Variants in DCTN5 observed in about 807,000 individuals in gnomAD.
DCTN5 encodes the protein dynactin subunit 5, also known as dynactin 4.
In DCTN5, 14 loss-of-function variants were observed where a neutral mutation model predicts 23.5. The observed-to-expected ratio is 0.60, with a 90% confidence interval of 0.39 to 0.93. The LOEUF is 0.93. DCTN5 is among the 40% of genes least tolerant of loss of function. The pLI is 0.00. For synonymous variants in DCTN5, 67 were observed against 79.6 expected, an observed-to-expected ratio of 0.84 and a Z score of 0.84; for missense variants, 156 against 225.9, an observed-to-expected ratio of 0.69 and a Z score of 1.98.
chr16:23,663,707 C>T (rs1967857227), intron 4 of DCTN5, among the ~76,000 whole-genome samples: 1 of 151,580 alleles, frequency 6.6e-6, no homozygotes, highest in Non-Finnish European at 1.5e-5. Flanking sequence ...CAGAGTGAGA[C>T]TCTGTCCCCC....
intron 4 of DCTN5, among the ~76,000 whole-genome samples, chr16:23,663,083 A>T (rs1198336355): frequency 6.6e-6 from 1 of 152,204 alleles, no homozygotes; most frequent in Non-Finnish European, 1.5e-5. Flanking sequence ...AGCCGTCCCC[A>T]TGACACATAG....
intron 1 of DCTN5, 109 bp downstream of exon 1, chr16:23,641,699 A>C (rs8058061): frequency 6.8e-6 from 8 of 1,176,488 alleles, no homozygotes; most frequent in Non-Finnish European, 1.0e-5. Context: ...CCCTTTGGCC[A>C]TTAGTCCCGG....
rs1235940425 is a variant in DCTN5 at position 23,673,329 on chromosome 16, AGTCTTGAACTC to A, written c.*6186_*6196del. The A allele has an allele frequency of 6.6e-6, 1 of 152,150 alleles. No individual in the cohort carries two copies. Among genetic ancestry groups the A allele is most frequent in the African/African-American group, 2.4e-5 (1 of 41,438 alleles). 9.4% of individuals were successfully genotyped at this position (152,150 alleles called of 1,614,324 possible). ...AGGGTTTTACCATGTTGCCCAGACT[AGTCTTGAACTC>A]CTGGGCTCAAGCGATCTTGGCCTCC... On this transcript the variant is annotated 3_prime_UTR_variant, in exon 6 of 6. Coordinates refer to ENST00000300087, the MANE Select transcript of DCTN5 (RefSeq NM_032486.4).
chr16:23,660,911 C>T (rs886664692), intron 3 of DCTN5, among the ~76,000 whole-genome samples: 1 of 152,184 alleles, frequency 6.6e-6, no homozygotes, highest in Non-Finnish European at 1.5e-5. Flanking sequence ...GGTACCTGCT[C>T]TTTTAGCTTT....
chr16:23,661,489 T>C (rs112538354), intron 4 of DCTN5, among the ~76,000 whole-genome samples: 9,618 of 150,636 alleles, frequency 0.064, 633 homozygotes, highest in African/African-American at 0.16. Context: ...GAGGTTGAAG[T>C]GGGCAGATCA....
At chr16:23,650,897 A>G in intron 2 of DCTN5, 7 of 1,396,922 alleles carry the variant, frequency 5.0e-6, no homozygotes, top group Non-Finnish European at 6.9e-6. Context: ...AATGTGACCA[A>G]TCTAAGCCCA....
In DCTN5 at chr16:23,665,669, A is replaced by G. The variant is rs747389991; in HGVS notation, c.392A>G (p.Asn131Ser). The G allele has an allele frequency of 3.1e-6, 5 of 1,614,086 alleles. No individual in the cohort carries two copies. Among genetic ancestry groups the G allele is most frequent in the Middle Eastern group, 3.3e-4 (2 of 6,046 alleles). Residue 131 changes from asparagine to serine, a missense_variant, in exon 5 of 6, where the codon AAC becomes AGC. Asn to Ser is a conservative substitution (Grantham distance 46). This residue lies in a region of DCTN5 where 153 missense variants were observed against 206.8 expected (regional missense o/e 0.74). Coordinates refer to ENST00000300087, the MANE Select transcript of DCTN5 (RefSeq NM_032486.4). ...VLKDCCKILDNTVLPPETVVP... is the reference protein window; with the variant it reads ...VLKDCCKILDSTVLPPETVVP... ...AAAGACTGCTGCAAAATTCTTGACA[A>G]CACAGTATTACCTCCAGAAACTGTG...
chr16:23,661,197 A>G lies in DCTN5; in HGVS notation c.264A>G (p.Gly88=), dbSNP rs1272481105. The G allele has an allele frequency of 1.9e-6, 3 of 1,612,970 alleles. No homozygotes were observed. In the Admixed American group the frequency reaches 5.0e-5, roughly 27 times the overall value. ...KGVAFFPLHI[G]DHVFIEEDCV... is the part of the protein sequence containing the mutation. ...TTGCATTCTTTCCTTTACATATTGG[A>G]GACCATGTCTTTATTGAGGAAGATT... Residue 88 remains glycine (G), a synonymous_variant, in exon 4 of 6, where the codon GGA becomes GGG. Coordinates refer to ENST00000300087, the MANE Select transcript of DCTN5 (RefSeq NM_032486.4).
chr16:23,652,608 A>T (rs1272403975), intron 2 of DCTN5, among the ~76,000 whole-genome samples: 1 of 152,228 alleles, frequency 6.6e-6, no homozygotes, highest in East Asian at 1.9e-4. Context: ...ATCAAGATAT[A>T]GAATACATTT....
intron 4 of DCTN5, among the ~76,000 whole-genome samples, chr16:23,661,914 T>G (rs776518969): frequency 1.8e-4 from 28 of 151,946 alleles, no homozygotes; most frequent in Non-Finnish European, 3.7e-4. Context: ...ACTGAGGACC[T>G]TAAATATTAA....
chr16:23,642,985 G>T lies in DCTN5; in HGVS notation c.79G>T (p.Val27Leu). The change falls in exon 2 of 6, where the codon GTG (valine) becomes TTG (leucine). Residue 27 changes from valine to leucine, a missense_variant. Val to Leu is a conservative substitution (Grantham distance 32). Coordinates refer to ENST00000300087, the MANE Select transcript of DCTN5 (RefSeq NM_032486.4). ...ASGNKVSRQS[V>L]LCGSQNIVLN... ...TGGGAACAAAGTCAGTCGCCAGTCA[G>T]TGTTGTGTGGAAGCCAGAACATCGT... is the stretch of plus-strand genomic sequence containing the variant. The T allele has an allele frequency of 6.2e-7, 1 of 1,614,168 alleles. No individual in the cohort carries two copies. Among genetic ancestry groups the T allele is most frequent in the Non-Finnish European group, 8.5e-7 (1 of 1,180,034 alleles).
chr16:23,658,659 G>A (rs1232066039), intron 3 of DCTN5, 34 bp downstream of exon 3: 1 of 1,528,360 alleles, frequency 6.5e-7, no homozygotes, highest in South Asian at 1.1e-5. Flanking sequence ...CAAGTCTTGG[G>A]CAAGAAGCTG....
At chr16:23,665,491 C>T (rs1967889319) in intron 4 of DCTN5, 135 bp from the exon 5 acceptor site, 3 of 740,728 alleles carry the variant, frequency 4.1e-6, no homozygotes, top group Non-Finnish European at 6.6e-6. Flanking sequence ...CAGGTACCAC[C>T]TGAAGCAGGA....
chr16:23,644,142 T>TA (rs1284542240), intron 2 of DCTN5, among the ~76,000 whole-genome samples: 1 of 151,906 alleles, frequency 6.6e-6, no homozygotes, highest in Non-Finnish European at 1.5e-5. Flanking sequence ...TTTCCTTTTT[T>TA]GTTGAGACAG....
At chr16:23,643,365 G>A (rs1967352250) in intron 2 of DCTN5, among the ~76,000 whole-genome samples, 1 of 151,586 alleles carries the variant, frequency 6.6e-6, no homozygotes, top group Non-Finnish European at 1.5e-5. Context: ...CTAATATTTT[G>A]TATTTTTAGT....
intron 3 of DCTN5, among the ~76,000 whole-genome samples, chr16:23,659,482 G>A (rs970101696): frequency 1.3e-5 from 2 of 152,126 alleles, no homozygotes; most frequent in African/African-American, 4.8e-5. Flanking sequence ...TGTAAGCTGA[G>A]AATATATAAA....
chr16:23,653,922 A>G (rs536802729), intron 2 of DCTN5, among the ~76,000 whole-genome samples: 38 of 152,260 alleles, frequency 2.5e-4, no homozygotes, highest in Admixed American at 3.9e-4. Flanking sequence ...AAGAAATACA[A>G]TAATCATGAC....
chr16:23,657,683 C>G (rs1967733783), intron 2 of DCTN5: 1 of 229,068 alleles, frequency 4.4e-6, no homozygotes, highest in Non-Finnish European at 9.1e-6. Flanking sequence ...CTCAGGCAAT[C>G]CACCTGCTTC....
rs567836582 is a variant in DCTN5, at chr16:23,670,226, C to T, written c.*3082C>T. ...CAAAGGTGAATGATTGTCTTGTGAG[C>T]CTCCTGTTGACTGATTCTGTTTTAC... On this transcript the variant is annotated 3_prime_UTR_variant, in exon 6 of 6. Transcript: ENST00000300087. 2.6e-5 allele frequency: 4 copies of T among 152,384 alleles called. No homozygotes were observed. Among genetic ancestry groups the T allele is most frequent in the African/African-American group, 9.6e-5 (4 of 41,558 alleles). 9.4% of individuals were successfully genotyped at this position (152,384 alleles called of 1,614,324 possible).
Sources: allele counts gnomAD v4.1 joint callset (sites outside exome capture counted in the v4.1 genomes callset), GRCh38; gene constraint gnomAD v4.1.1; regional missense constraint gnomAD v4.1.1; transcripts MANE v1.5; gene names NCBI Gene and HGNC (gene_info 2026-07-23, HGNC 2026-07-21).